Variants in CCDC50 observed in about 807,000 individuals in gnomAD.
CCDC50 encodes the protein coiled-coil domain-containing protein 50.
Under a neutral mutation model 70.2 loss-of-function variants are expected in CCDC50, and 54 were observed. The observed-to-expected ratio is 0.77, with a 90% CI of 0.62 to 0.96. The LOEUF is 0.96. Among genes scored for constraint, CCDC50 ranks in the 50% least tolerant of loss-of-function variants. CCDC50 has a pLI of 0.00. For synonymous variants in CCDC50, 216 were observed against 198.8 expected, an observed-to-expected ratio of 1.09 and a Z score of -0.73; for missense variants, 558 against 578.7, an observed-to-expected ratio of 0.96 and a Z score of 0.37.
intron 1 of CCDC50, among the ~76,000 whole-genome samples, chr3:191,334,597 T>C (rs893114884): frequency 2.6e-5 from 4 of 152,128 alleles, no homozygotes; most frequent in Admixed American, 6.5e-5. Context: ...AATTGGCACA[T>C]TGGGGCCTAG....
intron 1 of CCDC50, among the ~76,000 whole-genome samples, chr3:191,339,830 T>G (rs1456677937): frequency 1.3e-5 from 2 of 152,196 alleles, no homozygotes; most frequent in Non-Finnish European, 2.9e-5. Flanking sequence ...AAGCTCACCT[T>G]TTTAAAAGGC....
rs922574188 is a variant in CCDC50 at position 191,350,080 on chromosome 3, C to A, written c.50-7008C>A. 2.3e-4 allele frequency among the ~76,000 whole-genome samples: 31 copies of A among 135,412 alleles called. 7 individuals are homozygous for A. Among genetic ancestry groups the A allele is most frequent in the Admixed American group, 4.7e-4 (6 of 12,770 alleles). The allele number at this position is 135,412 out of a possible 152,430, so 88.8% of individuals were successfully genotyped here. A position where few individuals can be genotyped will look rare whatever the true frequency, so the allele number is the denominator to read the frequency against. On this transcript the variant is annotated intron_variant, in intron 1 of 11. Transcript: ENST00000392455. ...TATTTGTTGGGTAGTCTTATTCAAG[C>A]CGTTTTATTTCTCTTGAGCCTTAGT...
intron 9 of CCDC50, among the ~76,000 whole-genome samples, chr3:191,381,709 G>A (rs752869706): frequency 2.0e-5 from 3 of 152,214 alleles, no homozygotes; most frequent in South Asian, 2.1e-4. Flanking sequence ...CAGAGGAATA[G>A]GGAGAGAATT....
intron 4 of CCDC50, among the ~76,000 whole-genome samples, chr3:191,366,773 A>G (rs1712707267): frequency 6.6e-6 from 1 of 151,816 alleles, no homozygotes. Context: ...TTTTTTGGAT[A>G]AAGTTTTGAG....
At chr3:191,340,490 G>A (rs1711684385) in intron 1 of CCDC50, among the ~76,000 whole-genome samples, 2 of 152,198 alleles carry the variant, frequency 1.3e-5, no homozygotes, top group Non-Finnish European at 2.9e-5. Context: ...ATGTTAATAT[G>A]TTGGTTAGAT....
At chr3:191,366,321 G>A (rs544810324) in intron 4 of CCDC50, among the ~76,000 whole-genome samples, 1 of 152,156 alleles carries the variant, frequency 6.6e-6, no homozygotes, top group African/African-American at 2.4e-5. Flanking sequence ...CCTTTCTCTA[G>A]TATACTAGAG....
intron 1 of CCDC50, among the ~76,000 whole-genome samples, chr3:191,334,475 GA>G (rs1718079976): frequency 6.6e-6 from 1 of 152,094 alleles, no homozygotes; most frequent in South Asian, 2.1e-4. Flanking sequence ...TTTCAGAGTA[GA>G]AAGCACTAAA....
chr3:191,335,333 A>C (rs777316695), intron 1 of CCDC50, among the ~76,000 whole-genome samples: 8 of 152,224 alleles, frequency 5.3e-5, no homozygotes, highest in Admixed American at 1.3e-4. Context: ...AGAGGTAGCC[A>C]CTGGAAGTGC....
At chr3:191,364,688 G>C (rs1712619920) in intron 4 of CCDC50, among the ~76,000 whole-genome samples, 1 of 151,702 alleles carries the variant, frequency 6.6e-6, no homozygotes, top group African/African-American at 2.4e-5. Context: ...CTTTGTCATG[G>C]TATAATTTTA....
intron 4 of CCDC50, among the ~76,000 whole-genome samples, chr3:191,362,728 C>T (rs1031330319): frequency 6.6e-6 from 1 of 152,186 alleles, no homozygotes; most frequent in African/African-American, 2.4e-5. Flanking sequence ...TACACTGCTA[C>T]TCCTACTGAG....
At chr3:191,387,396 A>G (rs1294016853) in intron 10 of CCDC50, among the ~76,000 whole-genome samples, 2 of 152,182 alleles carry the variant, frequency 1.3e-5, no homozygotes, top group Non-Finnish European at 2.9e-5. Flanking sequence ...AAAACTGTAC[A>G]ACAAAGTTAG....
intron 11 of CCDC50, among the ~76,000 whole-genome samples, chr3:191,391,047 G>A (rs1486254178): frequency 6.6e-6 from 1 of 152,200 alleles, no homozygotes; most frequent in Non-Finnish European, 1.5e-5. Context: ...GAAAGTGTCA[G>A]AGTTGTCAGG....
At chr3:191,382,671 C>A in intron 9 of CCDC50, 75 bp from the exon 10 acceptor site, 1 of 951,282 alleles carries the variant, frequency 1.1e-6, no homozygotes, top group Admixed American at 1.7e-5. Context: ...TAAACTTAAT[C>A]TTTCCCTTTG....
At chr3:191,379,782 T>C (rs1713247117) in intron 6 of CCDC50, among the ~76,000 whole-genome samples, 1 of 152,156 alleles carries the variant, frequency 6.6e-6, no homozygotes, top group Non-Finnish European at 1.5e-5. Context: ...TAGCCTCTTT[T>C]AAACTCTGAC....
intron 1 of CCDC50, among the ~76,000 whole-genome samples, chr3:191,339,714 T>C (rs185480139): frequency 1.3e-5 from 2 of 152,344 alleles, no homozygotes; most frequent in African/African-American, 4.8e-5. Context: ...TTTTAGTAAA[T>C]GTTACAGTCC....
intron 5 of CCDC50, among the ~76,000 whole-genome samples, chr3:191,372,211 T>G (rs985835463): frequency 1.3e-5 from 2 of 152,206 alleles, no homozygotes; most frequent in African/African-American, 4.8e-5. Context: ...TATATTTATT[T>G]TAATTACTCC....
At chr3:191,380,963 G>A in intron 9 of CCDC50, 31 bp downstream of exon 9, 1 of 1,553,314 alleles carries the variant, frequency 6.4e-7, no homozygotes. Flanking sequence ...TTTCTAATTA[G>A]AAATAAAATT....
chr3:191,362,311 G>A (rs567478133), intron 4 of CCDC50, among the ~76,000 whole-genome samples: 3 of 151,676 alleles, frequency 2.0e-5, no homozygotes, highest in South Asian at 4.2e-4. Flanking sequence ...TTTTTGTAGA[G>A]ACGAGGTCTC....
intron 11 of CCDC50, among the ~76,000 whole-genome samples, chr3:191,389,918 T>A (rs1026733939): frequency 8.7e-5 from 12 of 138,344 alleles, no homozygotes; most frequent in South Asian, 2.3e-4. Context: ...TGGAATGCAG[T>A]GGCATGATCT....
Sources: allele counts gnomAD v4.1 joint callset (sites outside exome capture counted in the v4.1 genomes callset), GRCh38; gene constraint gnomAD v4.1.1; transcripts MANE v1.5; gene names NCBI Gene and HGNC (gene_info 2026-07-23, HGNC 2026-07-21).